The following PCDHA5 variants were observed in gnomAD, a reference collection of about 807,000 sequenced individuals.
PCDHA5 encodes the protein protocadherin alpha-5.
Under a neutral mutation model 61.6 loss-of-function variants are expected in PCDHA5, and 43 were observed. The ratio of observed to expected loss-of-function variants is 0.70; its 90% CI spans 0.55 to 0.90. The LOEUF (loss-of-function observed/expected upper bound fraction) is 0.90, where lower values mean the gene tolerates loss of function less well. PCDHA5 is among the 40% of genes least tolerant of loss of function. The pLI, the probability that PCDHA5 is intolerant of heterozygous loss-of-function variation, is 0.00. For missense variants in PCDHA5, 1,298 were observed against 1,222.7 expected (o/e 1.06, Z -0.92); for synonymous variants, 627 against 543.9 (o/e 1.15, Z -2.13).
chr5:140,843,556 G>A, intron 1 of PCDHA5: 1 of 1,595,980 alleles, frequency 6.3e-7, no homozygotes, highest in Non-Finnish European at 8.6e-7. Context: ...CCAGTGCGGT[G>A]GGGAGCTGGT....
Position 140,870,763 on chromosome 5 carries a change from G to C in PCDHA5, c.2352+46636G>C, listed in dbSNP as rs1386684596. The stretch of plus-strand genomic sequence containing the variant: ...CAGCAACGTGACGCTGCAGGTGTTC[G>C]TGCTGGACGAGAACGACAACGCGCC... On this transcript the variant is annotated intron_variant, in intron 1 of 3. Transcript: ENST00000529859. 1.1e-5 allele frequency: 18 copies of C among 1,613,434 alleles called. No individual in the cohort carries two copies. Among genetic ancestry groups the C allele is most frequent in the Admixed American group, 3.3e-5 (2 of 60,004 alleles).
At chr5:140,931,758 A>G (rs1374881766) in intron 1 of PCDHA5, among the ~76,000 whole-genome samples, 1 of 151,944 alleles carries the variant, frequency 6.6e-6, no homozygotes, top group African/African-American at 2.4e-5. Flanking sequence ...GGCATTTGTT[A>G]TTTACTTCTT....
chr5:140,911,792 T>C (rs1429471693), intron 1 of PCDHA5, among the ~76,000 whole-genome samples: 1 of 152,190 alleles, frequency 6.6e-6, no homozygotes, highest in Non-Finnish European at 1.5e-5. Context: ...TTTTTGGGTC[T>C]AATCATATTA....
At chr5:140,841,883 G>T in intron 1 of PCDHA5, 1 of 1,613,836 alleles carries the variant, frequency 6.2e-7, no homozygotes, top group East Asian at 2.2e-5. Context: ...AAAGAACGAT[G>T]AGAATAAACT....
rs1554129612 is a variant in PCDHA5, at chr5:140,823,811, C to A, written c.2036C>A (p.Ser679Ter). 1.2e-6 allele frequency: 2 copies of A among 1,613,820 alleles called. No individual in the cohort carries two copies. Among genetic ancestry groups the A allele is most frequent in the Middle Eastern group, 1.7e-4 (1 of 6,060 alleles). ...AGTGGCCAGGCGCCGAAGGCCTCATCGCGGGCGTCGGCGGGCGCTGTGGGT... is the reference window on the plus strand; with the variant it reads ...AGTGGCCAGGCGCCGAAGGCCTCATAGCGGGCGTCGGCGGGCGCTGTGGGT... ...VESGQAPKAS[S>*]RASAGAVGPE... Residue 679 changes from serine to a stop codon, truncating the protein, a stop_gained, in exon 1 of 4, where the codon TCG (serine) becomes TAG (stop). Transcript: ENST00000529859. LOFTEE classifies it high-confidence loss of function.
intron 1 of PCDHA5, chr5:140,835,997 C>T (rs2150249894): frequency 6.2e-7 from 1 of 1,613,306 alleles, no homozygotes; most frequent in Non-Finnish European, 8.5e-7. Flanking sequence ...TGAGCGCGCG[C>T]GATGCGGGCG....
At chr5:140,867,346 ATGAT>A (rs1302874220) in intron 1 of PCDHA5, 5 of 152,256 alleles carry the variant, frequency 3.3e-5, no homozygotes, top group East Asian at 1.9e-4. Context: ...AGAGGCTACT[ATGAT>A]TGATTATTTT....
rs369408845 is a variant in PCDHA5, at chr5:140,898,113, C to T, written c.2352+73986C>T. On this transcript the variant is annotated intron_variant, in intron 1 of 3. Coordinates refer to ENST00000529859, the MANE Select transcript of PCDHA5 (RefSeq NM_018908.3). ...AGCCCTTTGTCAGATGAGTAGGTTG[C>T]GAAAATTTTCTCCCATTTTGTAGGT... Among the ~76,000 whole-genome samples, 401 of 152,070 alleles carry T rather than the reference C, an allele frequency of 2.6e-3. 3 individuals carry two copies. Among genetic ancestry groups the T allele is most frequent in the Admixed American group, 0.01 (153 of 15,274 alleles).
chr5:140,841,845 A>G, intron 1 of PCDHA5: 1 of 1,613,930 alleles, frequency 6.2e-7, no homozygotes, highest in Non-Finnish European at 8.5e-7. Context: ...CTTAGCTCTC[A>G]TGATTACTTC....
At chr5:141,009,205 A>G (rs1325707221) in intron 3 of PCDHA5, among the ~76,000 whole-genome samples, 8 of 152,192 alleles carry the variant, frequency 5.3e-5, no homozygotes, top group Non-Finnish European at 1.2e-4. Flanking sequence ...CTATGATTCC[A>G]ACACTTTGGG....
chr5:140,834,517 T>C, intron 1 of PCDHA5: 2 of 1,614,066 alleles, frequency 1.2e-6, no homozygotes, highest in South Asian at 1.1e-5. Context: ...GGCAACTTCG[T>C]GGGCCGCATC....
At position 140,822,921 on chromosome 5, in the gene PCDHA5, G is replaced by A. The variant is rs2150120413; in HGVS notation, c.1146G>A (p.Gly382=). ...SVSDRDSGAN[G]QVTCSLMPHV... ...CTGACCGTGACTCAGGTGCCAACGG[G>A]CAGGTGACCTGCTCCCTAATGCCCC... The change falls in exon 1 of 4, where the codon GGG becomes GGA. Residue 382 remains glycine, a synonymous_variant. Coordinates refer to ENST00000529859, the MANE Select transcript of PCDHA5 (RefSeq NM_018908.3). 1 of 1,614,234 alleles carries A rather than the reference G, an allele frequency of 6.2e-7. No homozygotes were observed. Among genetic ancestry groups the A allele is most frequent in the Non-Finnish European group, 8.5e-7 (1 of 1,180,058 alleles).
At position 140,928,565 on chromosome 5, in the gene PCDHA5, C is replaced by T. The variant is rs1227327620; in HGVS notation, c.2353-50384C>T. 2.5e-6 allele frequency: 4 copies of T among 1,614,038 alleles called. No individual in the cohort carries two copies. The highest frequency in any genetic ancestry group is 3.4e-6 in the Non-Finnish European group (4 of 1,180,038). On this transcript the variant is annotated intron_variant, in intron 1 of 3. Transcript: ENST00000529859. Reference sequence around the variant, plus strand: ...GACAATTATCCGGTTATCTTGTTTCCCTTGCCCAGAAATGGTTCTGTCCCA... The same window carrying T: ...GACAATTATCCGGTTATCTTGTTTCTCTTGCCCAGAAATGGTTCTGTCCCA...
chr5:140,860,505 A>T (rs2046425472), intron 1 of PCDHA5: 1 of 152,218 alleles, frequency 6.6e-6, no homozygotes, highest in African/African-American at 2.4e-5. Flanking sequence ...TACATACAAG[A>T]TAAAACTCTT....
Position 140,823,465 on chromosome 5 carries a change from C to T in PCDHA5, c.1690C>T (p.Leu564=), listed in dbSNP as rs1554129364. 2.5e-6 allele frequency: 4 copies of T among 1,613,368 alleles called. No homozygotes were observed. Residue 564 remains leucine, a synonymous_variant, in exon 1 of 4, where the codon CTG becomes TTG. Transcript: ENST00000529859. The stretch of plus-strand genomic sequence containing the variant: ...GGACGAGAACGACAACGCGCCGGCG[C>T]TGCTGGTGCCTCGAGTGGGTGGCAC... The part of the protein sequence containing the change: ...VLDENDNAPA[L]LVPRVGGTGG...
chr5:140,929,166 C>A (rs782695019), intron 1 of PCDHA5: 1 of 1,614,146 alleles, frequency 6.2e-7, no homozygotes, highest in Admixed American at 1.7e-5. Context: ...TCTATCGGGC[C>A]TCTCTGGGAC....
chr5:140,945,678 C>T (rs2093827274), intron 1 of PCDHA5, among the ~76,000 whole-genome samples: 1 of 152,078 alleles, frequency 6.6e-6, no homozygotes, highest in Non-Finnish European at 1.5e-5. Context: ...AATAAATCCA[C>T]ACAGTTACTG....
chr5:140,890,990 A>T (rs782516672), intron 1 of PCDHA5, among the ~76,000 whole-genome samples: 1 of 152,142 alleles, frequency 6.6e-6, no homozygotes, highest in African/African-American at 2.4e-5. Flanking sequence ...TCTTTATTTC[A>T]TCATAATTAT....
At chr5:140,957,029 T>G (rs782472701) in intron 1 of PCDHA5, among the ~76,000 whole-genome samples, 4 of 152,190 alleles carry the variant, frequency 2.6e-5, no homozygotes, top group African/African-American at 4.8e-5. Flanking sequence ...TTTAGATATT[T>G]ATGGGAGTCA....
Sources: allele counts gnomAD v4.1 joint callset (sites outside exome capture counted in the v4.1 genomes callset), GRCh38; gene constraint gnomAD v4.1.1; transcripts MANE v1.5; gene names NCBI Gene and HGNC (gene_info 2026-07-23, HGNC 2026-07-21).